NFKB2: variants seen among roughly 807,000 people sequenced by gnomAD.
NFKB2 encodes nuclear factor kappa B subunit 2, also known as nuclear factor NF-kappa-B p100 subunit.
In NFKB2, 21 loss-of-function variants were observed where a neutral mutation model predicts 109.3. That is an observed-to-expected ratio of 0.19 (90% CI 0.14 to 0.28). The LOEUF is 0.28. NFKB2 is among the 10% of genes least tolerant of loss of function. The pLI, the probability that NFKB2 is intolerant of heterozygous loss-of-function variation, is 1.00. For synonymous variants in NFKB2, 478 were observed against 489.9 expected, an observed-to-expected ratio of 0.98 and a Z score of 0.32; for missense variants, 806 against 1,185.3, an observed-to-expected ratio of 0.68 and a Z score of 4.70.
At position 102,398,266 on chromosome 10, in the gene NFKB2, G is replaced by A; in HGVS notation, c.821G>A (p.Gly274Glu). Residue 274 changes from glycine (G) to glutamate (E), a missense_variant, in exon 10 of 23, where the codon GGG (glycine) becomes GAG (glutamate). Around this residue, in one of 10 missense-constraint regions of NFKB2, gnomAD observed 64 missense variants for 177.4 expected, o/e 0.36. Coordinates refer to ENST00000661543, the MANE Select transcript of NFKB2 (RefSeq NM_001322934.2). This position sits in a 1 kb window ranked among gnomAD's most constrained non-coding sequence, Gnocchi z 6.6. Reference protein sequence around the residue: ...EDDENGWQAFGDFSPTDVHKQ... With the variant: ...EDDENGWQAFEDFSPTDVHKQ... ...GATGAGAATGGATGGCAGGCCTTTG[G>A]GGACTTCTCTCCCACAGATGTGCAT... The A allele has an allele frequency of 6.2e-7, 1 of 1,614,142 alleles. No individual in the cohort carries two copies. The highest frequency in any genetic ancestry group is 8.5e-7 in the Non-Finnish European group (1 of 1,180,016).
Position 102,399,670 on chromosome 10 carries a change from T to C in NFKB2, c.1421T>C (p.Leu474Pro). 1 of 1,526,946 alleles carries C rather than the reference T, an allele frequency of 6.5e-7. No individual in the cohort carries two copies. Among genetic ancestry groups the C allele is most frequent in the Non-Finnish European group, 8.8e-7 (1 of 1,135,312 alleles). 94.6% of individuals were successfully genotyped at this position (1,526,946 alleles called of 1,614,324 possible). ...YGVTADARAL[L>P]AGQRHLLTAQ... is the part of the protein sequence containing the mutation. ...GTCACCGCGGACGCGCGCGCGCTGCTGGCGGGACAGCGCCACCTGCTGACG... is the reference window on the plus strand; with the variant it reads ...GTCACCGCGGACGCGCGCGCGCTGCCGGCGGGACAGCGCCACCTGCTGACG... The change falls in exon 14 of 23, where the codon CTG (leucine) becomes CCG (proline). Residue 474 changes from leucine (L) to proline (P), a missense_variant. Around this residue, in one of 10 missense-constraint regions of NFKB2, gnomAD observed 209 missense variants for 211.9 expected, o/e 0.99. Coordinates refer to ENST00000661543, the MANE Select transcript of NFKB2 (RefSeq NM_001322934.2).
At chr10:102,395,611 C>A (rs577124706), upstream of NFKB2, 47 of 451,106 alleles carry the variant, frequency 1.0e-4, no homozygotes, top group Admixed American at 9.3e-4. Flanking sequence ...CCGCCCCTCC[C>A]GTCGCGAGGG....
At position 102,398,431 on chromosome 10, in the gene NFKB2, A is replaced by G; in HGVS notation, c.899A>G (p.Glu300Gly). The G allele has an allele frequency of 6.2e-7, 1 of 1,614,088 alleles. No homozygotes were observed. Among genetic ancestry groups the G allele is most frequent in the South Asian group, 1.1e-5 (1 of 91,080 alleles). The change falls in exon 11 of 23, where the codon GAG (glutamate) becomes GGG (glycine). Residue 300 changes from glutamate to glycine, a missense_variant. Coordinates refer to ENST00000661543, the MANE Select transcript of NFKB2 (RefSeq NM_001322934.2). The surrounding 1 kb of genome is among the most constrained non-coding windows in gnomAD (Gnocchi z 6.6). Reference sequence around the variant, plus strand: ...CCCCCCTATCACAAGATGAAGATTGAGCGGCCTGTAACAGTGTTTCTGCAA... The same window carrying G: ...CCCCCCTATCACAAGATGAAGATTGGGCGGCCTGTAACAGTGTTTCTGCAA... ...RTPPYHKMKIERPVTVFLQLK... is the reference protein window; with the variant it reads ...RTPPYHKMKIGRPVTVFLQLK...
Position 102,395,781 on chromosome 10 carries a change from C to G in NFKB2, c.-88C>G. ...CCGGATCTCACCCGCCACACCCGGA[C>G]AGGCGGCTGGAGGAGGTCGGACCCT... On this transcript the variant is annotated 5_prime_UTR_variant, in exon 1 of 23. Transcript: ENST00000661543. 1.5e-6 allele frequency: 1 copy of G among 651,918 alleles called. No homozygotes were observed. The highest frequency in any genetic ancestry group is 2.5e-5 in the Admixed American group (1 of 39,286). The allele number at this position is 651,918 out of a possible 1,614,324, so 40.4% of individuals were successfully genotyped here. A position where few individuals can be genotyped will look rare whatever the true frequency, so the allele number is the denominator to read the frequency against.
intron 12 of NFKB2, 55 bp from the exon 13 acceptor site, chr10:102,399,233 A>C: frequency 6.9e-7 from 1 of 1,455,076 alleles, no homozygotes. Flanking sequence ...AAAAAAAAAA[A>C]TCTGGGAGAG....
At position 102,399,428 on chromosome 10, in the gene NFKB2, G is replaced by A. The variant is rs1288456438; in HGVS notation, c.1258G>A (p.Ala420Thr). The A allele has an allele frequency of 4.8e-5, 73 of 1,520,926 alleles. No homozygotes were observed. The highest frequency in any genetic ancestry group is 6.2e-5 in the Non-Finnish European group (70 of 1,132,286). 94.2% of individuals were successfully genotyped at this position (1,520,926 alleles called of 1,614,324 possible). A position where few individuals can be genotyped will look rare whatever the true frequency, so the allele number is the denominator to read the frequency against. The change falls in exon 13 of 23, where the codon GCC becomes ACC. Residue 420 changes from alanine to threonine, a missense_variant. Around this residue, in one of 10 missense-constraint regions of NFKB2, gnomAD observed 209 missense variants for 211.9 expected, o/e 0.99. Coordinates refer to ENST00000661543, the MANE Select transcript of NFKB2 (RefSeq NM_001322934.2). The part of the protein sequence containing the change: ...TVPSRDSGEE[A>T]AEPSAPSRTP... ...GCCCAGCAGGGACTCCGGGGAGGAAGCCGCGGAGCCAAGCGCCCCCTCCAG... is the reference window on the plus strand; with the variant it reads ...GCCCAGCAGGGACTCCGGGGAGGAAACCGCGGAGCCAAGCGCCCCCTCCAG...
In NFKB2 at chr10:102,396,014, C is replaced by A. The variant is rs764557562; in HGVS notation, c.21+34C>A. On this transcript the variant is annotated intron_variant, in intron 2 of 22. Transcript: ENST00000661543. The surrounding 1 kb of genome is among the most constrained non-coding windows in gnomAD (Gnocchi z 5.9). ...TGCCGCCTGCCCCTGACCCGGCCGG[C>A]TGCCCCTCGTGTCTGTCCACCTGTC... The A allele has an allele frequency of 2.5e-6, 4 of 1,611,304 alleles. No homozygotes were observed. The highest frequency in any genetic ancestry group is 1.7e-6 in the Non-Finnish European group (2 of 1,179,884).
chr10:102,396,210 G>T lies in NFKB2; in HGVS notation c.22-43G>T. 3.2e-6 allele frequency: 5 copies of T among 1,575,810 alleles called. No individual in the cohort carries two copies. Among genetic ancestry groups the T allele is most frequent in the East Asian group, 2.3e-5 (1 of 44,366 alleles). On this transcript the variant is annotated intron_variant, in intron 2 of 22. Coordinates refer to ENST00000661543, the MANE Select transcript of NFKB2 (RefSeq NM_001322934.2). This position sits in a 1 kb window ranked among gnomAD's most constrained non-coding sequence, Gnocchi z 5.9. ...GAGATGGGAGGTGGGGCTGTGGGGG[G>T]TGCTGAGAGTCGGATGCCACCCCCA...
At position 102,397,195 on chromosome 10, in the gene NFKB2, C is replaced by T. The variant is rs1461393896; in HGVS notation, c.396-107C>T. Reference sequence around the variant, plus strand: ...AACCCAAGGGCCTAAGTAGAAACTCCAATGGCTTCCTTGAGGAAGTAAGGC... The same window carrying T: ...AACCCAAGGGCCTAAGTAGAAACTCTAATGGCTTCCTTGAGGAAGTAAGGC... On this transcript the variant is annotated intron_variant, in intron 6 of 22. Coordinates refer to ENST00000661543, the MANE Select transcript of NFKB2 (RefSeq NM_001322934.2). The surrounding 1 kb of genome is among the most constrained non-coding windows in gnomAD (Gnocchi z 4.7). 6.5e-7 allele frequency: 1 copy of T among 1,527,634 alleles called. No homozygotes were observed. Among genetic ancestry groups the T allele is most frequent in the Non-Finnish European group, 9.0e-7 (1 of 1,116,268 alleles). 94.6% of individuals were successfully genotyped at this position (1,527,634 alleles called of 1,614,324 possible). A position where few individuals can be genotyped will look rare whatever the true frequency, so the allele number is the denominator to read the frequency against.
rs372873787 is a variant in NFKB2, at chr10:102,400,809, C to G, written c.1953C>G (p.Thr651=). The change falls in exon 17 of 23, where the codon ACC becomes ACG. Residue 651 remains threonine (T), a synonymous_variant. Transcript: ENST00000661543. This position sits in a 1 kb window ranked among gnomAD's most constrained non-coding sequence, Gnocchi z 6.3. The stretch of plus-strand genomic sequence containing the variant: ...AGATGGAGGAGCTGGGGTTGGTCAC[C>G]CATCTGGTCACCAAGGTGGGACTGA... ...ATEMEELGLV[T]HLVTKLRANV... 4.4e-5 allele frequency: 70 copies of G among 1,597,040 alleles called. No homozygotes were observed. In the African/African-American group the frequency reaches 8.7e-4, roughly 20 times the overall value.
At position 102,397,722 on chromosome 10, in the gene NFKB2, G is replaced by C; in HGVS notation, c.661+37G>C. 6.3e-7 allele frequency: 1 copy of C among 1,587,470 alleles called. No individual in the cohort carries two copies. The highest frequency in any genetic ancestry group is 8.6e-7 in the Non-Finnish European group (1 of 1,161,502). ...GATTGCCTGGGGTGCCAGGCCTGGT[G>C]GCAGAGGTGGCATGAGGGGTGACCT... On this transcript the variant is annotated intron_variant, in intron 8 of 22. Transcript: ENST00000661543. This position sits in a 1 kb window ranked among gnomAD's most constrained non-coding sequence, Gnocchi z 4.7.
chr10:102,398,562 G>C lies in NFKB2; in HGVS notation c.991+39G>C, dbSNP rs1348033781. 2 of 1,609,576 alleles carry C rather than the reference G, an allele frequency of 1.2e-6. No homozygotes were observed. Reference sequence around the variant, plus strand: ...GAGGACCTCAGGGTGCTGGCGGGGGGCCAGGCTGGGCTAGAAGAAGGTCCC... The same window carrying C: ...GAGGACCTCAGGGTGCTGGCGGGGGCCCAGGCTGGGCTAGAAGAAGGTCCC... On this transcript the variant is annotated intron_variant, in intron 11 of 22. Transcript: ENST00000661543. This position sits in a 1 kb window ranked among gnomAD's most constrained non-coding sequence, Gnocchi z 6.6.
At chr10:102,399,049 C>A (rs1167522204) in intron 12 of NFKB2, 185 bp downstream of exon 12, 1 of 751,040 alleles carries the variant, frequency 1.3e-6, no homozygotes, top group Non-Finnish European at 2.1e-6. Context: ...CTCGTCTCTA[C>A]TAAAAATACA....
At position 102,400,657 on chromosome 10, in the gene NFKB2, C is replaced by T; in HGVS notation, c.1801C>T (p.Leu601=). ...GGTTGAGCATCCTGCATCCTTAGGA[C>T]TGTATCCAGTACACCTGGCAGTCCG... The part of the protein sequence containing the change: ...QLLHMPDFEG[L]YPVHLAVRAR... Residue 601 remains leucine, a splice_region_variant and synonymous_variant, in exon 17 of 23, where the codon CTG becomes TTG. Transcript: ENST00000661543. This position sits in a 1 kb window ranked among gnomAD's most constrained non-coding sequence, Gnocchi z 6.3. 1 of 1,613,930 alleles carries T rather than the reference C, an allele frequency of 6.2e-7. No homozygotes were observed. Among genetic ancestry groups the T allele is most frequent in the Non-Finnish European group, 8.5e-7 (1 of 1,179,918 alleles).
chr10:102,402,130 C>T lies in NFKB2; in HGVS notation c.2549C>T (p.Pro850Leu), dbSNP rs373030358. The stretch of plus-strand genomic sequence containing the variant: ...GAGGGAGTGAGGCTGCTGAGGGGTC[C>T]AGAAACCCGAGACAAGCTGCCCAGC... ...LEEGVRLLRG[P>L]ETRDKLPSTA... The change falls in exon 22 of 23, where the codon CCA becomes CTA. Residue 850 changes from proline (P) to leucine (L), a missense_variant. By Grantham distance (98) the Pro-to-Leu change is moderately conservative. Around this residue, in one of 10 missense-constraint regions of NFKB2, gnomAD observed 211 missense variants for 268.7 expected, o/e 0.79. Coordinates refer to ENST00000661543, the MANE Select transcript of NFKB2 (RefSeq NM_001322934.2). 3.8e-6 allele frequency: 6 copies of T among 1,578,822 alleles called. No individual in the cohort carries two copies. Among genetic ancestry groups the T allele is most frequent in the Non-Finnish European group, 5.2e-6 (6 of 1,161,864 alleles).
rs767009904 is a variant in NFKB2, at chr10:102,396,855, A to G, written c.243+32A>G. ...CAGGATGGTGCTGGAGGGTGGGCTA[A>G]GTGGACAGCATGCCCAAGGCCCTGA... On this transcript the variant is annotated intron_variant, in intron 5 of 22. Coordinates refer to ENST00000661543, the MANE Select transcript of NFKB2 (RefSeq NM_001322934.2). The surrounding 1 kb of genome is among the most constrained non-coding windows in gnomAD (Gnocchi z 5.9). 2 of 1,602,864 alleles carry G rather than the reference A, an allele frequency of 1.2e-6. No homozygotes were observed. Among genetic ancestry groups the G allele is most frequent in the South Asian group, 2.2e-5 (2 of 90,916 alleles).
chr10:102,399,611 G>T lies in NFKB2; in HGVS notation c.1362G>T (p.Ala454=). ...ACAACGCGCGCCTGTTCGGCCTGGC[G>T]CAGCGCAGCGCCCGAGCCCTACTCG... ...REYNARLFGL[A]QRSARALLDY... Residue 454 remains alanine, a synonymous_variant, in exon 14 of 23, where the codon GCG becomes GCT. Transcript: ENST00000661543. 6.5e-7 allele frequency: 1 copy of T among 1,547,228 alleles called. No individual in the cohort carries two copies. Among genetic ancestry groups the T allele is most frequent in the East Asian group, 2.5e-5 (1 of 40,538 alleles).
chr10:102,396,673 G>A lies in NFKB2; in HGVS notation c.145-52G>A, dbSNP rs1337234552. 5 of 1,578,320 alleles carry A rather than the reference G, an allele frequency of 3.2e-6. No homozygotes were observed. Among genetic ancestry groups the A allele is most frequent in the Non-Finnish European group, 4.4e-6 (5 of 1,148,702 alleles). On this transcript the variant is annotated intron_variant, in intron 4 of 22. Transcript: ENST00000661543. The surrounding 1 kb of genome is among the most constrained non-coding windows in gnomAD (Gnocchi z 5.9). ...ACTACCAGGCACTGCGGTCACTGCT[G>A]GCCTGGGTGGTCTTCCCTGATCACA...
chr10:102,398,927 G>T lies in NFKB2; in HGVS notation c.1117+63G>T. 1 of 1,535,414 alleles carries T rather than the reference G, an allele frequency of 6.5e-7. No individual in the cohort carries two copies. Among genetic ancestry groups the T allele is most frequent in the East Asian group, 2.3e-5 (1 of 44,046 alleles). ...AGAAGCTGTGGAGGAAAAAAATCTG[G>T]GGGAGGCCGGGCGTGGTGGCTCACG... On this transcript the variant is annotated intron_variant, in intron 12 of 22. Transcript: ENST00000661543. This position sits in a 1 kb window ranked among gnomAD's most constrained non-coding sequence, Gnocchi z 6.6.
Sources: allele counts gnomAD v4.1 joint callset, GRCh38; gene constraint gnomAD v4.1.1; regional missense constraint gnomAD v4.1.1; non-coding constraint Gnocchi (gnomAD v3.1); transcripts MANE v1.5; gene names NCBI Gene and HGNC (gene_info 2026-07-23, HGNC 2026-07-21).